SH3BP4: variants seen among roughly 807,000 people sequenced by gnomAD.
SH3BP4 encodes SH3 domain binding protein 4.
A neutral mutation model predicts 65.5 loss-of-function variants in SH3BP4; 33 were observed. The ratio of observed to expected loss-of-function variants is 0.50; its 90% CI spans 0.38 to 0.67. SH3BP4 has a LOEUF of 0.67. Ranked by LOEUF, SH3BP4 falls within the 30% of genes least tolerant of loss-of-function variation. The probability of loss-of-function intolerance (pLI) is 0.00; values close to 1 mark genes in which losing one functional copy is unlikely to be tolerated. For missense variants in SH3BP4, 1,134 were observed against 1,261.4 expected (o/e 0.90, Z 1.53); for synonymous variants, 552 against 545.5 (o/e 1.01, Z -0.17).
chr2:234,986,054 C>T (rs1177244448), intron 1 of SH3BP4, among the ~76,000 whole-genome samples: 2 of 151,214 alleles, frequency 1.3e-5, no homozygotes, highest in African/African-American at 4.9e-5. Flanking sequence ...TTGATATACA[C>T]CTATGAGCTC....
intron 1 of SH3BP4, chr2:234,979,488 G>A (rs1419631590): frequency 1.3e-5 from 2 of 152,180 alleles, no homozygotes. Flanking sequence ...CAGACTCTGA[G>A]ATGGCCTTCA....
chr2:235,047,333 AG>A (rs1574850444), intron 4 of SH3BP4, among the ~76,000 whole-genome samples: 4 of 152,194 alleles, frequency 2.6e-5, no homozygotes, highest in African/African-American at 9.7e-5. Context: ...ATTCAAGGGT[AG>A]GGTTTTCTTT....
chr2:235,048,357 G>T (rs767651535), intron 4 of SH3BP4, among the ~76,000 whole-genome samples: 8 of 152,150 alleles, frequency 5.3e-5, no homozygotes, highest in Non-Finnish European at 1.2e-4. Flanking sequence ...TTGAGAAAAG[G>T]TCTCGCTCTG....
chr2:235,005,608 C>T (rs1266458772), intron 2 of SH3BP4, among the ~76,000 whole-genome samples: 1 of 152,188 alleles, frequency 6.6e-6, no homozygotes, highest in Non-Finnish European at 1.5e-5. Context: ...CTGCTGAACC[C>T]CCGCCTCCGC....
At position 235,026,611 on chromosome 2, in the gene SH3BP4, C is replaced by T. The variant is rs547153783; in HGVS notation, c.-132-8260C>T. 1.3e-3 allele frequency among the ~76,000 whole-genome samples: 194 copies of T among 152,332 alleles called. 1 individual carries two copies. The highest frequency in any genetic ancestry group is 4.2e-3 in the African/African-American group (176 of 41,572). On this transcript the variant is annotated intron_variant, in intron 2 of 5. Transcript: ENST00000392011. The surrounding 1 kb of genome is among the most constrained non-coding windows in gnomAD (Gnocchi z 4.6). ...GCCTCGTTGCTAGAGCCTGGCACTC[C>T]GTAGATGTTCACTAAGGTGACCTCT...
At chr2:235,038,237 T>A (rs1695451358) in intron 3 of SH3BP4, among the ~76,000 whole-genome samples, 1 of 45,932 alleles carries the variant, frequency 2.2e-5, no homozygotes, top group Non-Finnish European at 3.3e-5. Flanking sequence ...ATATATGTAT[T>A]TTATATATAT....
rs1695823761 is a variant in SH3BP4 at position 235,045,464 on chromosome 2, G to A, written c.2478+2217G>A. ...AGGGGATTTTTTGGTGGGCCTCCCT[G>A]TCCGCTCCAGGGAGGGGTGTGTCCT... is the stretch of plus-strand genomic sequence containing the variant. On this transcript the variant is annotated intron_variant, in intron 4 of 5. Coordinates refer to ENST00000392011, the MANE Select transcript of SH3BP4 (RefSeq NM_014521.3). This position sits in a 1 kb window ranked among gnomAD's most constrained non-coding sequence, Gnocchi z 4.3. 6.6e-6 allele frequency among the ~76,000 whole-genome samples: 1 copy of A among 152,144 alleles called. No homozygotes were observed. Among genetic ancestry groups the A allele is most frequent in the South Asian group, 2.1e-4 (1 of 4,828 alleles).
intron 1 of SH3BP4, among the ~76,000 whole-genome samples, chr2:234,971,156 G>A (rs549610140): frequency 5.3e-5 from 8 of 152,070 alleles, no homozygotes; most frequent in Non-Finnish European, 1.2e-4. Context: ...TTCTGTACCC[G>A]TTTCCTCCTC....
At chr2:235,028,084 G>C (rs1695061635) in intron 2 of SH3BP4, among the ~76,000 whole-genome samples, 1 of 152,228 alleles carries the variant, frequency 6.6e-6, no homozygotes, top group South Asian at 2.1e-4. Context: ...TCCTGGGGAG[G>C]AGCCAAGAGC....
Position 235,033,668 on chromosome 2 carries a change from T to C in SH3BP4, c.-132-1203T>C, listed in dbSNP as rs1695274506. Among the ~76,000 whole-genome samples the C allele has an allele frequency of 2.0e-5, 3 of 152,194 alleles. No homozygotes were observed. Among genetic ancestry groups the C allele is most frequent in the Admixed American group, 1.3e-4 (2 of 15,274 alleles). ...TAAATATTGAACACAAGATGGTCCCTATAGCAGCATGTGGACACACGCCTT... is the reference window on the plus strand; with the variant it reads ...TAAATATTGAACACAAGATGGTCCCCATAGCAGCATGTGGACACACGCCTT... On this transcript the variant is annotated intron_variant, in intron 2 of 5. Transcript: ENST00000392011. The surrounding 1 kb of genome is among the most constrained non-coding windows in gnomAD (Gnocchi z 5.7).
At chr2:235,031,472 C>T (rs6431331) in intron 2 of SH3BP4, among the ~76,000 whole-genome samples, 44,870 of 152,180 alleles carry the variant, frequency 0.29, 10,631 homozygotes, top group African/African-American at 0.65. Flanking sequence ...CTGCTTCCAT[C>T]TTGCCCTTTT....
rs1275732248 is a variant in SH3BP4, at chr2:234,967,944, G to A, written c.-207+15774G>A. Among the ~76,000 whole-genome samples, 5 of 152,084 alleles carry A rather than the reference G, an allele frequency of 3.3e-5. No homozygotes were observed. The highest frequency in any genetic ancestry group is 4.4e-5 in the Non-Finnish European group (3 of 67,998). On this transcript the variant is annotated intron_variant, in intron 1 of 5. Coordinates refer to ENST00000392011, the MANE Select transcript of SH3BP4 (RefSeq NM_014521.3). This position sits in a 1 kb window ranked among gnomAD's most constrained non-coding sequence, Gnocchi z 4.6. ...TTCATCTAAGAGTTAGTGCAGGACC[G>A]GAAGCTCCCACCCAGATGGTGAAGG...
rs370532112 is a variant in SH3BP4 at position 235,041,790 on chromosome 2, G to C, written c.1021G>C (p.Val341Leu). The C allele has an allele frequency of 3.1e-5, 49 of 1,595,086 alleles. No individual in the cohort carries two copies. The highest frequency in any genetic ancestry group is 4.0e-5 in the Non-Finnish European group (47 of 1,169,248). The stretch of plus-strand genomic sequence containing the variant: ...TCCTGACACCAGCATCAGCATCCAC[G>C]TGCCCGAGGGCCACGTCGCCCCTGG... ...QLPDTSISIHVPEGHVAPGET... is the reference protein window; with the variant it reads ...QLPDTSISIHLPEGHVAPGET... Residue 341 changes from valine (V) to leucine (L), a missense_variant, in exon 4 of 6, where the codon GTG becomes CTG. Transcript: ENST00000392011. The surrounding 1 kb of genome is among the most constrained non-coding windows in gnomAD (Gnocchi z 6.0).
At chr2:235,049,260 T>C (rs745392339) in intron 4 of SH3BP4, among the ~76,000 whole-genome samples, 2 of 152,198 alleles carry the variant, frequency 1.3e-5, no homozygotes, top group African/African-American at 4.8e-5. Context: ...TCCCAGGACC[T>C]TGGGGACCTG....
At position 235,041,692 on chromosome 2, in the gene SH3BP4, G is replaced by T. The variant is rs1365950929; in HGVS notation, c.923G>T (p.Gly308Val). 1 of 1,613,124 alleles carries T rather than the reference G, an allele frequency of 6.2e-7. No homozygotes were observed. The change falls in exon 4 of 6, where the codon GGT (glycine) becomes GTT (valine). Residue 308 changes from glycine to valine, a missense_variant. Transcript: ENST00000392011. The surrounding 1 kb of genome is among the most constrained non-coding windows in gnomAD (Gnocchi z 6.0). ...HDLDLLGQSP[G>V]WGQTQAVETN... ...CTGGACTTGCTTGGCCAAAGCCCTG[G>T]TTGGGGCCAGACCCAAGCCGTGGAG...
Position 234,978,238 on chromosome 2 carries a change from G to C in SH3BP4, c.-206-17065G>C, listed in dbSNP as rs1693233445. Among the ~76,000 whole-genome samples, 1 of 152,228 alleles carries C rather than the reference G, an allele frequency of 6.6e-6. No individual in the cohort carries two copies. The highest frequency in any genetic ancestry group is 2.4e-5 in the African/African-American group (1 of 41,462). On this transcript the variant is annotated intron_variant, in intron 1 of 5. Coordinates refer to ENST00000392011, the MANE Select transcript of SH3BP4 (RefSeq NM_014521.3). This position sits in a 1 kb window ranked among gnomAD's most constrained non-coding sequence, Gnocchi z 4.1. ...CCCAAAGTGCTGGGATTACAGGCGT[G>C]AGCCACCATGCTGGCAGTCTGTTTC...
At chr2:234,959,643 G>C (rs935091967) in intron 1 of SH3BP4, among the ~76,000 whole-genome samples, 1 of 141,536 alleles carries the variant, frequency 7.1e-6, no homozygotes, top group African/African-American at 2.6e-5. Context: ...CCCTTTGTAA[G>C]AGGATTTGAC....
Position 235,034,995 on chromosome 2 carries a change from G to T in SH3BP4, c.-8G>T. 6.2e-7 allele frequency: 1 copy of T among 1,612,944 alleles called. No individual in the cohort carries two copies. The highest frequency in any genetic ancestry group is 1.3e-5 in the African/African-American group (1 of 75,044). ...CTTAGCGGCTTTACCCGGGAAGCGAGTTTCGAGATGGCGGCTCAGCGGATC... is the reference window on the plus strand; with the variant it reads ...CTTAGCGGCTTTACCCGGGAAGCGATTTTCGAGATGGCGGCTCAGCGGATC... On this transcript the variant is annotated 5_prime_UTR_variant, in exon 3 of 6. Transcript: ENST00000392011. This position sits in a 1 kb window ranked among gnomAD's most constrained non-coding sequence, Gnocchi z 6.2.
At chr2:235,014,735 A>G (rs527541369) in intron 2 of SH3BP4, among the ~76,000 whole-genome samples, 1 of 152,108 alleles carries the variant, frequency 6.6e-6, no homozygotes, top group Admixed American at 6.5e-5. Flanking sequence ...CTGTGTCCAC[A>G]TTTCCTCTTT....
Sources: gnomAD v4.1 joint callset for allele counts (sites outside exome capture counted in the v4.1 genomes callset) on GRCh38, gnomAD v4.1.1 for gene constraint, Gnocchi (gnomAD v3.1) non-coding constraint, MANE v1.5 for transcripts, NCBI Gene and HGNC (gene_info 2026-07-23, HGNC 2026-07-21) for gene names.